Variants in TTC27 observed in about 807,000 individuals in gnomAD.
The protein encoded by TTC27 is tetratricopeptide repeat domain 27, also known as tetratricopeptide repeat protein 27.
TTC27 carries 79 observed loss-of-function variants against 115.9 expected under a neutral mutation model. The observed-to-expected ratio is 0.68, with a 90% confidence interval of 0.57 to 0.82. The LOEUF is 0.82. Ranked by LOEUF, TTC27 falls within the 40% of genes least tolerant of loss-of-function variation. The pLI, the probability that TTC27 is intolerant of heterozygous loss-of-function variation, is 0.00. For synonymous variants in TTC27, 401 were observed against 356.0 expected, an observed-to-expected ratio of 1.13 and a Z score of -1.42; for missense variants, 1,054 against 993.1, an observed-to-expected ratio of 1.06 and a Z score of -0.82.
intron 9 of TTC27, among the ~76,000 whole-genome samples, chr2:32,684,035 A>G (rs538887100): frequency 6.6e-6 from 1 of 152,026 alleles, no homozygotes; most frequent in African/African-American, 2.4e-5. Context: ...GTGCTCGCCT[A>G]TAATCCCAGC....
chr2:32,687,534 G>T (rs1315906781), intron 9 of TTC27, among the ~76,000 whole-genome samples: 2 of 152,168 alleles, frequency 1.3e-5, no homozygotes, highest in African/African-American at 4.8e-5. Context: ...TAAAAAGCGA[G>T]AGACAACTAT....
intron 4 of TTC27, among the ~76,000 whole-genome samples, chr2:32,645,731 T>C (rs1288208826): frequency 6.6e-6 from 1 of 152,034 alleles, no homozygotes; most frequent in African/African-American, 2.4e-5. Context: ...TTTTTTATTT[T>C]TTTGAGACAG....
intron 3 of TTC27, among the ~76,000 whole-genome samples, chr2:32,639,045 G>A (rs1187216652): frequency 2.6e-5 from 4 of 151,966 alleles, no homozygotes; most frequent in African/African-American, 4.8e-5. Flanking sequence ...TGTTAGCCAG[G>A]ATGGTCTTGA....
At chr2:32,786,175 G>A (rs975691879) in intron 15 of TTC27, among the ~76,000 whole-genome samples, 1 of 151,920 alleles carries the variant, frequency 6.6e-6, no homozygotes, top group Non-Finnish European at 1.5e-5. Context: ...AGGCTGGAGT[G>A]CAGGGGTGTG....
intron 9 of TTC27, among the ~76,000 whole-genome samples, chr2:32,683,286 G>C (rs928316747): frequency 6.6e-6 from 1 of 152,102 alleles, no homozygotes; most frequent in African/African-American, 2.4e-5. Flanking sequence ...ACCGCGCCCG[G>C]CCAATAGAAG....
chr2:32,782,666 G>A lies in TTC27; in HGVS notation c.1820G>A (p.Arg607Gln), dbSNP rs776673745. Residue 607 changes from arginine to glutamine, a missense_variant, in exon 15 of 20, where the codon CGA becomes CAA. Arg to Gln is a conservative substitution (Grantham distance 43). Transcript: ENST00000317907. ...AWNNLSTSYI[R>Q]LKQKVKAFRT... The stretch of plus-strand genomic sequence containing the variant: ...AACAATTTGTCAACTTCCTATATCC[G>A]ATTAAAACAAAAGTAAGTACATCAG... 6 of 1,610,926 alleles carry A rather than the reference G, an allele frequency of 3.7e-6. No homozygotes were observed. The highest frequency in any genetic ancestry group is 4.5e-5 in the East Asian group (2 of 44,634).
intron 8 of TTC27, among the ~76,000 whole-genome samples, chr2:32,674,625 C>T (rs1666130916): frequency 1.3e-5 from 2 of 151,774 alleles, no homozygotes; most frequent in African/African-American, 4.8e-5. Flanking sequence ...AAAGCCAAAG[C>T]AATTTTCCTG....
chr2:32,651,818 C>T (rs1052882335), intron 5 of TTC27, among the ~76,000 whole-genome samples: 1 of 151,978 alleles, frequency 6.6e-6, no homozygotes, highest in Non-Finnish European at 1.5e-5. Flanking sequence ...ATAAAATGAC[C>T]ATCTATACAT....
At chr2:32,781,557 G>A (rs1292952544) in intron 14 of TTC27, among the ~76,000 whole-genome samples, 1 of 151,944 alleles carries the variant, frequency 6.6e-6, no homozygotes, top group East Asian at 1.9e-4. Flanking sequence ...AAATCAGCTT[G>A]TTTTTAAGCT....
intron 10 of TTC27, among the ~76,000 whole-genome samples, chr2:32,720,335 G>C (rs149107076): frequency 8.5e-5 from 13 of 152,266 alleles, no homozygotes; most frequent in Non-Finnish European, 1.8e-4. Context: ...ATGGATGTTT[G>C]CTAAATGATG....
intron 10 of TTC27, among the ~76,000 whole-genome samples, chr2:32,715,284 T>C (rs983602660): frequency 5.3e-5 from 8 of 152,312 alleles, no homozygotes; most frequent in African/African-American, 1.9e-4. Flanking sequence ...TTCAGTCTTC[T>C]GCATGTGGTT....
chr2:32,791,878 A>G (rs1670549956), intron 16 of TTC27, among the ~76,000 whole-genome samples: 1 of 152,160 alleles, frequency 6.6e-6, no homozygotes, highest in Admixed American at 6.5e-5. Flanking sequence ...CCATCTCAAA[A>G]AAATATGAAA....
At chr2:32,710,960 C>G (rs947374347) in intron 10 of TTC27, among the ~76,000 whole-genome samples, 1 of 150,858 alleles carries the variant, frequency 6.6e-6, no homozygotes, top group Non-Finnish European at 1.5e-5. Context: ...ACTAAAAATA[C>G]AAAACAATTA....
At chr2:32,806,044 C>A (rs1671119062) in intron 16 of TTC27, among the ~76,000 whole-genome samples, 1 of 152,192 alleles carries the variant, frequency 6.6e-6, no homozygotes, top group Non-Finnish European at 1.5e-5. Flanking sequence ...CAACCCATCC[C>A]TGTGGCTATA....
intron 13 of TTC27, among the ~76,000 whole-genome samples, chr2:32,773,559 C>G (rs543947071): frequency 6.6e-6 from 1 of 152,268 alleles, no homozygotes; most frequent in East Asian, 1.9e-4. Flanking sequence ...AGGACGTGGT[C>G]TTTGGAGTCA....
chr2:32,760,372 G>A (rs771459036), intron 13 of TTC27, among the ~76,000 whole-genome samples: 4 of 152,156 alleles, frequency 2.6e-5, no homozygotes, highest in African/African-American at 7.2e-5. Flanking sequence ...CCCAGAGGAC[G>A]TTTGGCAACT....
intron 12 of TTC27, among the ~76,000 whole-genome samples, chr2:32,758,083 G>A (rs1356243792): frequency 6.6e-6 from 1 of 152,048 alleles, no homozygotes; most frequent in Non-Finnish European, 1.5e-5. Context: ...CAGTGGTCTG[G>A]GACCAAACCC....
intron 11 of TTC27, among the ~76,000 whole-genome samples, chr2:32,735,477 G>A (rs1558316809): frequency 2.6e-5 from 4 of 152,100 alleles, no homozygotes; most frequent in Non-Finnish European, 5.9e-5. Flanking sequence ...ACTGAATTTA[G>A]GCCAAATGCT....
Position 32,754,769 on chromosome 2 carries a change from G to T in TTC27, c.1453-3523G>T, listed in dbSNP as rs1323233686. ...CCCGGACGGGGTGGCTGGCCGGGCG[G>T]GGGCTGACCTCCCCCACCTCCCTCC... On this transcript the variant is annotated intron_variant, in intron 12 of 19. Transcript: ENST00000317907. Among the ~76,000 whole-genome samples the T allele has an allele frequency of 2.7e-5, 4 of 149,692 alleles. No homozygotes were observed. The South Asian group carries it at 8.6e-4, about 32-fold the overall frequency.
Sources: gnomAD v4.1 joint callset for allele counts (sites outside exome capture counted in the v4.1 genomes callset) on GRCh38, gnomAD v4.1.1 for gene constraint, MANE v1.5 for transcripts, NCBI Gene and HGNC (gene_info 2026-07-23, HGNC 2026-07-21) for gene names.